The following GDI2 variants were observed in gnomAD, a reference collection of about 807,000 sequenced individuals.
GDI2 encodes rab GDP dissociation inhibitor beta.
A neutral mutation model predicts 54.2 loss-of-function variants in GDI2; 22 were observed. The observed-to-expected ratio is 0.41, with a 90% CI of 0.29 to 0.58. GDI2 has a LOEUF of 0.58. GDI2 is among the 20% of genes least tolerant of loss of function. The probability of loss-of-function intolerance (pLI) is 0.35; values close to 1 mark genes in which losing one functional copy is unlikely to be tolerated. For missense variants in GDI2, 422 were observed against 546.0 expected, an observed-to-expected ratio of 0.77 and a Z score of 2.26; for synonymous variants, 177 against 182.1, an observed-to-expected ratio of 0.97 and a Z score of 0.23.
rs11255077 is a variant in GDI2, at chr10:5,767,328, G to T, written c.992-690C>A. Reference sequence around the variant, plus strand: ...CATCTTTTGTGATTGGTTTTTTTTTGTGTTTTAACAGTCTGGCTCTGTCAC... The same window carrying T: ...CATCTTTTGTGATTGGTTTTTTTTTTTGTTTTAACAGTCTGGCTCTGTCAC... On this transcript the variant is annotated intron_variant, in intron 8 of 10. Transcript: ENST00000380191. Among the ~76,000 whole-genome samples, 248 of 133,470 alleles carry T rather than the reference G, an allele frequency of 1.9e-3. 1 individual carries two copies. The highest frequency in any genetic ancestry group is 3.1e-3 in the Non-Finnish European group (184 of 59,104). The allele number at this position is 133,470 out of a possible 152,430, so 87.6% of individuals were successfully genotyped here. A position where few individuals can be genotyped will look rare whatever the true frequency, so the allele number is the denominator to read the frequency against.
intron 1 of GDI2, among the ~76,000 whole-genome samples, chr10:5,805,195 T>G (rs757621242): frequency 1.3e-5 from 2 of 152,014 alleles, no homozygotes; most frequent in African/African-American, 4.8e-5. Context: ...GTGTGGTTCC[T>G]GACTTGGCAT....
chr10:5,774,781 G>C lies in GDI2; in HGVS notation c.720-840C>G, dbSNP rs118016723. On this transcript the variant is annotated intron_variant, in intron 6 of 10. Transcript: ENST00000380191. This position sits in a 1 kb window ranked among gnomAD's most constrained non-coding sequence, Gnocchi z 4.8. The stretch of plus-strand genomic sequence containing the variant: ...CGGCTCTTTCCCAAAACCCCACACT[G>C]TCTATTCTCCTGTTTTTCCTTGTGT... Among the ~76,000 whole-genome samples the C allele has an allele frequency of 5.8e-4, 89 of 152,230 alleles. No homozygotes were observed. Among genetic ancestry groups the C allele is most frequent in the Non-Finnish European group, 1.1e-3 (73 of 68,028 alleles).
intron 3 of GDI2, among the ~76,000 whole-genome samples, chr10:5,795,246 G>A (rs974899623): frequency 6.6e-6 from 1 of 152,070 alleles, no homozygotes; most frequent in African/African-American, 2.4e-5. Flanking sequence ...CTTCCAGCCT[G>A]ACGCTCCTGA....
At chr10:5,781,929 C>T (rs889157447) in intron 6 of GDI2, among the ~76,000 whole-genome samples, 3 of 152,156 alleles carry the variant, frequency 2.0e-5, no homozygotes, top group African/African-American at 7.2e-5. Context: ...ATGAGAATTG[C>T]TTGAACCTGG....
At chr10:5,786,915 A>AT (rs1840893238) in intron 4 of GDI2, among the ~76,000 whole-genome samples, 1 of 152,232 alleles carries the variant, frequency 6.6e-6, no homozygotes, top group African/African-American at 2.4e-5. Flanking sequence ...AATTCGCTGC[A>AT]TTTTACACTA....
intron 1 of GDI2, among the ~76,000 whole-genome samples, chr10:5,808,933 C>G (rs765454457): frequency 6.6e-6 from 1 of 151,952 alleles, no homozygotes; most frequent in Non-Finnish European, 1.5e-5. Context: ...AATGACTCTG[C>G]CCCTCTAATG....
At chr10:5,805,279 G>C (rs1288275121) in intron 1 of GDI2, among the ~76,000 whole-genome samples, 1 of 151,030 alleles carries the variant, frequency 6.6e-6, no homozygotes, top group Non-Finnish European at 1.5e-5. Context: ...ATCACCTGGA[G>C]GGCTTGAAAA....
chr10:5,806,387 T>C (rs1841381885), intron 1 of GDI2, among the ~76,000 whole-genome samples: 1 of 150,490 alleles, frequency 6.6e-6, no homozygotes, highest in African/African-American at 2.4e-5. Context: ...GAGACCCCCA[T>C]CTCTACAAAA....
At chr10:5,772,015 G>A (rs1044861621) in intron 7 of GDI2, among the ~76,000 whole-genome samples, 7 of 152,094 alleles carry the variant, frequency 4.6e-5, no homozygotes, top group Non-Finnish European at 8.8e-5. Context: ...ACTTGAACCC[G>A]GAAGGCAGAA....
chr10:5,770,665 G>A lies in GDI2; in HGVS notation c.820-2281C>T, dbSNP rs912336372. On this transcript the variant is annotated intron_variant, in intron 7 of 10. Transcript: ENST00000380191. ...ACCACTGAACTGTACACTTAACAAT[G>A]GTTAAGATGGTAAATTCTGGCCGGG... is the stretch of plus-strand genomic sequence containing the variant. Among the ~76,000 whole-genome samples, 4 of 151,864 alleles carry A rather than the reference G, an allele frequency of 2.6e-5. No homozygotes were observed. The East Asian group carries it at 7.8e-4, about 30-fold the overall frequency.
intron 6 of GDI2, among the ~76,000 whole-genome samples, chr10:5,779,727 T>TAC (rs1840709864): frequency 6.7e-6 from 1 of 148,482 alleles, no homozygotes; most frequent in African/African-American, 2.5e-5. Context: ...AGGGTCCTGC[T>TAC]CTGTCACCCA....
intron 4 of GDI2, among the ~76,000 whole-genome samples, chr10:5,788,202 T>C (rs1046913437): frequency 1.3e-4 from 20 of 152,020 alleles, no homozygotes; most frequent in Non-Finnish European, 2.5e-4. Context: ...TTTTTTTTTT[T>C]CCATAGAAAC....
chr10:5,809,090 C>G (rs971834413), intron 1 of GDI2, among the ~76,000 whole-genome samples: 1 of 151,844 alleles, frequency 6.6e-6, no homozygotes, highest in Non-Finnish European at 1.5e-5. Context: ...ACTAAAAATA[C>G]AAATATTAGC....
intron 3 of GDI2, among the ~76,000 whole-genome samples, chr10:5,795,691 A>G (rs1160327565): frequency 6.6e-6 from 1 of 152,118 alleles, no homozygotes; most frequent in African/African-American, 2.4e-5. Context: ...GCACTTTGGG[A>G]GGCCAAGGAG....
chr10:5,785,150 T>C lies in GDI2; in HGVS notation c.711A>G (p.Gly237=), dbSNP rs1042418444. The C allele has an allele frequency of 6.3e-7, 1 of 1,592,762 alleles. No individual in the cohort carries two copies. Among genetic ancestry groups the C allele is most frequent in the South Asian group, 1.2e-5 (1 of 86,892 alleles). The part of the protein sequence containing the change: ...PLYGLGELPQ[G]FARLSAIYGG... ...TAAACACAGGCTCTTACCTTGCAAA[T>C]CCTTGGGGCAGTTCTCCAAGGCCAT... Residue 237 remains glycine, a synonymous_variant, in exon 6 of 11, where the codon GGA becomes GGG. Coordinates refer to ENST00000380191, the MANE Select transcript of GDI2 (RefSeq NM_001494.4).
intron 6 of GDI2, among the ~76,000 whole-genome samples, chr10:5,783,365 A>G (rs1258817836): frequency 1.3e-5 from 2 of 152,182 alleles, no homozygotes; most frequent in Non-Finnish European, 2.9e-5. Flanking sequence ...TCTCTTGAAG[A>G]CAGCAGATAC....
At chr10:5,792,827 T>C (rs1841046501) in intron 4 of GDI2, among the ~76,000 whole-genome samples, 1 of 151,912 alleles carries the variant, frequency 6.6e-6, no homozygotes, top group Non-Finnish European at 1.5e-5. Flanking sequence ...ATGTTTTATA[T>C]ATCTGAAAAA....
chr10:5,766,173 G>A lies in GDI2; in HGVS notation c.1192-21C>T. 6.2e-7 allele frequency: 1 copy of A among 1,613,120 alleles called. No individual in the cohort carries two copies. The highest frequency in any genetic ancestry group is 8.5e-7 in the Non-Finnish European group (1 of 1,179,070). ...AAGATCTGAAAACAAAAATTACGAA[G>A]ACTTAAGACCATGGAGGGATGTCTT... is the stretch of plus-strand genomic sequence containing the variant. On this transcript the variant is annotated intron_variant, in intron 10 of 10. Transcript: ENST00000380191. The surrounding 1 kb of genome is among the most constrained non-coding windows in gnomAD (Gnocchi z 5.8).
At chr10:5,782,544 C>T (rs558674750) in intron 6 of GDI2, among the ~76,000 whole-genome samples, 15 of 152,284 alleles carry the variant, frequency 9.9e-5, no homozygotes, top group Admixed American at 4.6e-4. Context: ...TGCCTTCATT[C>T]ATAATAGCCA....
Sources: allele counts gnomAD v4.1 joint callset (sites outside exome capture counted in the v4.1 genomes callset), GRCh38; gene constraint gnomAD v4.1.1; non-coding constraint Gnocchi (gnomAD v3.1); transcripts MANE v1.5; gene names NCBI Gene and HGNC (gene_info 2026-07-23, HGNC 2026-07-21).